Variants in PARP1 observed in about 807,000 individuals in gnomAD.
PARP1 encodes poly(ADP-ribose) polymerase 1.
Under a neutral mutation model 118.7 loss-of-function variants are expected in PARP1, and 44 were observed. That is an observed-to-expected ratio of 0.37 (90% CI 0.29 to 0.48). PARP1 has a LOEUF of 0.48. Ranked by LOEUF, PARP1 falls within the 20% of genes least tolerant of loss-of-function variation. The probability of loss-of-function intolerance (pLI) is 0.99; values close to 1 mark genes in which losing one functional copy is unlikely to be tolerated. For synonymous variants in PARP1, 492 were observed against 483.2 expected (o/e 1.02, Z -0.24); for missense variants, 1,100 against 1,272.4 (o/e 0.86, Z 2.06).
At chr1:226,369,167 A>G (rs1402430294) in intron 15 of PARP1, among the ~76,000 whole-genome samples, 1 of 152,244 alleles carries the variant, frequency 6.6e-6, no homozygotes, top group African/African-American at 2.4e-5. Flanking sequence ...GTAAGTTCTC[A>G]GTCAGTAAGG....
At chr1:226,402,182 T>G (rs200866781) in intron 2 of PARP1, 32 bp downstream of exon 2, 1 of 1,614,192 alleles carries the variant, frequency 6.2e-7, no homozygotes, top group East Asian at 2.2e-5. Flanking sequence ...GGGTGGGGGC[T>G]GAATGCCCAT....
At chr1:226,393,059 TA>T in intron 2 of PARP1, 5 of 1,269,532 alleles carry the variant, frequency 3.9e-6, no homozygotes, top group Non-Finnish European at 5.3e-6. Flanking sequence ...TCTCTACTTG[TA>T]GATGATTCTA....
intron 14 of PARP1, chr1:226,370,909 CAGTT>C: frequency 3.6e-6 from 1 of 276,546 alleles, no homozygotes; most frequent in Non-Finnish European, 7.2e-6. Context: ...AGAGCCAAGG[CAGTT>C]AGTTAAGTGC....
At chr1:226,392,922 A>T in intron 2 of PARP1, 1 of 1,567,182 alleles carries the variant, frequency 6.4e-7, no homozygotes, top group Non-Finnish European at 8.6e-7. Flanking sequence ...CTTGCCTAAG[A>T]TTAGGAATAA....
chr1:226,404,161 A>G (rs368215116), intron 1 of PARP1, among the ~76,000 whole-genome samples: 5 of 37,212 alleles, frequency 1.3e-4, no homozygotes, highest in East Asian at 1.7e-3. Flanking sequence ...CTATCTTGCT[A>G]TTCTCTAGCA....
intron 2 of PARP1, among the ~76,000 whole-genome samples, chr1:226,399,998 G>A (rs1357693825): frequency 3.3e-5 from 5 of 151,518 alleles, no homozygotes; most frequent in Admixed American, 6.6e-5. Context: ...GCGAGAATCC[G>A]TCTCCAACAA....
Position 226,379,941 on chromosome 1 carries a change from C to G in PARP1, c.1524G>C (p.Lys508Asn). 2 of 1,614,050 alleles carry G rather than the reference C, an allele frequency of 1.2e-6. No individual in the cohort carries two copies. Among genetic ancestry groups the G allele is most frequent in the Non-Finnish European group, 8.5e-7 (1 of 1,180,026 alleles). ...KSGAALSKKSKGQVKEEGINK... is the reference protein window; with the variant it reads ...KSGAALSKKSNGQVKEEGINK... ...CCTCACCTTCCTCCTTGACCTGGCC[C>G]TTGCTTTTTTTGGAGAGCGCAGCCC... The change falls in exon 10 of 23, where the codon AAG becomes AAC. Residue 508 changes from lysine (K) to asparagine (N), a missense_variant. Physicochemically the swap from Lys to Asn is moderately conservative, Grantham distance 94. Transcript: ENST00000366794.
intron 18 of PARP1, 23 bp downstream of exon 18, chr1:226,365,931 G>T (rs573269481): frequency 4.7e-5 from 71 of 1,497,686 alleles, no homozygotes; most frequent in Admixed American, 1.0e-4. Context: ...ACAGAAGGAA[G>T]TGGGGGAAGA....
intron 3 of PARP1, among the ~76,000 whole-genome samples, chr1:226,391,856 G>C (rs1664825613): frequency 6.6e-6 from 1 of 152,202 alleles, no homozygotes; most frequent in Non-Finnish European, 1.5e-5. Flanking sequence ...GAAGGCTGGA[G>C]GCTCATAACA....
At chr1:226,407,656 G>C (rs1039491065) in intron 1 of PARP1, among the ~76,000 whole-genome samples, 154 bp downstream of exon 1, 1 of 151,830 alleles carries the variant, frequency 6.6e-6, no homozygotes, top group African/African-American at 2.4e-5. Flanking sequence ...CGGGCCGCTC[G>C]GGAGGAGGGG....
chr1:226,398,614 T>C (rs1246636005), intron 2 of PARP1, among the ~76,000 whole-genome samples: 1 of 151,226 alleles, frequency 6.6e-6, no homozygotes, highest in Admixed American at 6.6e-5. Context: ...TATGAGAAGA[T>C]GTTCAAGATA....
chr1:226,369,791 C>T (rs1664341478), intron 15 of PARP1, among the ~76,000 whole-genome samples: 1 of 151,858 alleles, frequency 6.6e-6, no homozygotes, highest in Non-Finnish European at 1.5e-5. Flanking sequence ...CCCACCTCTA[C>T]TAAAAATACA....
intron 2 of PARP1, among the ~76,000 whole-genome samples, chr1:226,397,577 A>G (rs542157965): frequency 1.6e-4 from 25 of 152,292 alleles, no homozygotes; most frequent in Non-Finnish European, 3.4e-4. Flanking sequence ...TCACCGGGAC[A>G]GATTTCTCCC....
At chr1:226,396,293 C>CCATG (rs990939769) in intron 2 of PARP1, among the ~76,000 whole-genome samples, 1 of 151,956 alleles carries the variant, frequency 6.6e-6, no homozygotes, top group Non-Finnish European at 1.5e-5. Flanking sequence ...ATGCAGTGAG[C>CCATG]CATGATTGCG....
chr1:226,386,601 T>C (rs55732944), intron 5 of PARP1, among the ~76,000 whole-genome samples, 159 bp from the exon 6 acceptor site: 4 of 152,188 alleles, frequency 2.6e-5, no homozygotes, highest in Admixed American at 2.0e-4. Context: ...TGACTCCCAG[T>C]CATGCTCCTG....
intron 1 of PARP1, among the ~76,000 whole-genome samples, chr1:226,406,677 A>G (rs1351866103): frequency 6.6e-6 from 1 of 152,218 alleles, no homozygotes; most frequent in East Asian, 1.9e-4. Context: ...AAAACCTAAC[A>G]GAGTGCTTAG....
intron 19 of PARP1, 90 bp downstream of exon 19, chr1:226,364,912 C>T: frequency 6.9e-7 from 1 of 1,451,240 alleles, no homozygotes; most frequent in Non-Finnish European, 9.6e-7. Flanking sequence ...CAGAATCCCC[C>T]TAAACCAACT....
At chr1:226,363,255 G>A (rs780788790) in intron 20 of PARP1, 95 bp from the exon 21 acceptor site, 8 of 884,256 alleles carry the variant, frequency 9.0e-6, no homozygotes, top group African/African-American at 3.3e-5. Context: ...ACAGAGATGA[G>A]ATAAAAGTCC....
intron 21 of PARP1, 50 bp downstream of exon 21, chr1:226,363,049 T>C (rs372503602): frequency 1.4e-5 from 18 of 1,330,698 alleles, no homozygotes; most frequent in Admixed American, 1.0e-4. Flanking sequence ...CCGGCTTCTG[T>C]GCTGTCCAGG....
Sources: gnomAD v4.1 joint callset for allele counts (sites outside exome capture counted in the v4.1 genomes callset) on GRCh38, gnomAD v4.1.1 for gene constraint, MANE v1.5 for transcripts, NCBI Gene and HGNC (gene_info 2026-07-23, HGNC 2026-07-21) for gene names.